ZNF644: variants seen among roughly 807,000 people sequenced by gnomAD.
ZNF644 encodes the protein zinc finger protein 644.
Under a neutral mutation model 108.0 loss-of-function variants are expected in ZNF644, and 20 were observed. That is an observed-to-expected ratio of 0.19 (90% CI 0.13 to 0.27). The LOEUF (loss-of-function observed/expected upper bound fraction) is 0.27. Among genes scored for constraint, ZNF644 ranks in the 10% least tolerant of loss-of-function variants. The probability of loss-of-function intolerance (pLI) is 1.00; values close to 1 mark genes in which losing one functional copy is unlikely to be tolerated. For missense variants in ZNF644, 1,338 were observed against 1,548.9 expected (o/e 0.86, Z 2.29); for synonymous variants, 542 against 539.1 (o/e 1.01, Z -0.08).
In ZNF644 at chr1:90,937,537, C is replaced by A. The variant is rs149460842; in HGVS notation, c.3636G>T (p.Glu1212Asp). ...FVQKCVLPLNEDSPLMYQPQK... is the reference protein window; with the variant it reads ...FVQKCVLPLNDDSPLMYQPQK... ...GTGGCTGATACATCAACGGACTATCCTCATTTAATGGAAGAACGCATTTCT... is the reference window on the plus strand; with the variant it reads ...GTGGCTGATACATCAACGGACTATCATCATTTAATGGAAGAACGCATTTCT... The change falls in exon 4 of 6, where the codon GAG (glutamate) becomes GAT (aspartate). Residue 1212 changes from glutamate (E) to aspartate (D), a missense_variant. Coordinates refer to ENST00000337393, the MANE Select transcript of ZNF644 (RefSeq NM_201269.3). 6.2e-7 allele frequency: 1 copy of A among 1,613,884 alleles called. No homozygotes were observed.
At chr1:91,002,108 G>A (rs891600796) in intron 1 of ZNF644, among the ~76,000 whole-genome samples, 1 of 152,040 alleles carries the variant, frequency 6.6e-6, no homozygotes, top group African/African-American at 2.4e-5. Flanking sequence ...ACTGCCCAAG[G>A]TAATTTATAG....
intron 4 of ZNF644, among the ~76,000 whole-genome samples, chr1:90,928,403 C>A (rs1012303982): frequency 5.3e-5 from 8 of 150,902 alleles, no homozygotes; most frequent in Non-Finnish European, 1.2e-4. Flanking sequence ...CTGCAACCTC[C>A]AGCTTCTGGG....
At chr1:90,972,553 T>C (rs1484803149) in intron 2 of ZNF644, among the ~76,000 whole-genome samples, 5 of 152,196 alleles carry the variant, frequency 3.3e-5, no homozygotes, top group Admixed American at 3.3e-4. Context: ...CAGAAAACTA[T>C]GGTGGCTCCT....
chr1:90,958,232 T>TAAAA (rs777224217), intron 2 of ZNF644, among the ~76,000 whole-genome samples: 14 of 41,384 alleles, frequency 3.4e-4, no homozygotes, highest in East Asian at 7.8e-4. Flanking sequence ...GCAAAACTCC[T>TAAAA]AAAAAAAAAA....
In ZNF644 at chr1:90,939,213, C is replaced by A. The variant is rs777815225; in HGVS notation, c.2141G>T (p.Ser714Ile). 2 of 1,613,930 alleles carry A rather than the reference C, an allele frequency of 1.2e-6. No homozygotes were observed. The highest frequency in any genetic ancestry group is 1.7e-5 in the Admixed American group (1 of 60,010). The change falls in exon 3 of 6, where the codon AGC becomes ATC. Residue 714 changes from serine (S) to isoleucine (I), a missense_variant. Physicochemically the swap from Ser to Ile is moderately radical, Grantham distance 142 (BLOSUM62 -2). This residue lies in a region of ZNF644 where 462 missense variants were observed against 472.6 expected (regional missense o/e 0.98). Transcript: ENST00000337393. ...SPHKNVTIKS[S>I]VDQKPKYFHQ... is the part of the protein sequence containing the mutation. ...GAAATACTTAGGTTTTTGGTCAACG[C>A]TGCTTTTAATTGTAACATTCTTATG... is the stretch of plus-strand genomic sequence containing the variant.
intron 2 of ZNF644, among the ~76,000 whole-genome samples, chr1:90,976,139 A>G (rs1331987315): frequency 1.3e-5 from 2 of 152,220 alleles, no homozygotes; most frequent in Non-Finnish European, 2.9e-5. Context: ...CAACTAAAAT[A>G]AGAGCTTTAG....
chr1:90,982,494 A>G, intron 1 of ZNF644, 124 bp from the exon 2 acceptor site: 3 of 678,746 alleles, frequency 4.4e-6, no homozygotes, highest in South Asian at 3.8e-5. Context: ...TTGATATAAC[A>G]TAAAAAAACC....
chr1:90,960,622 C>T (rs1469093001), intron 2 of ZNF644, among the ~76,000 whole-genome samples: 1 of 152,094 alleles, frequency 6.6e-6, no homozygotes, highest in South Asian at 2.1e-4. Flanking sequence ...CCTGACGACA[C>T]CCAATCTAGG....
intron 2 of ZNF644, among the ~76,000 whole-genome samples, chr1:90,953,004 T>A (rs768619075): frequency 7.7e-6 from 1 of 129,166 alleles, no homozygotes; most frequent in Non-Finnish European, 1.6e-5. Flanking sequence ...AGACAACAAT[T>A]AGACTGAGGA....
chr1:91,014,869 A>C (rs1660297787), intron 1 of ZNF644, among the ~76,000 whole-genome samples: 1 of 152,190 alleles, frequency 6.6e-6, no homozygotes, highest in South Asian at 2.1e-4. Context: ...GTAGAACAGA[A>C]AGGTCTCCTC....
intron 2 of ZNF644, among the ~76,000 whole-genome samples, chr1:90,959,091 T>A (rs1654054703): frequency 6.6e-6 from 1 of 152,108 alleles, no homozygotes; most frequent in Admixed American, 6.5e-5. Context: ...ATTTTTTAAA[T>A]GAGCAAAGGA....
Position 90,939,206 on chromosome 1 carries a change from G to A in ZNF644, c.2148C>T (p.Asp716=). The change falls in exon 3 of 6, where the codon GAC becomes GAT. Residue 716 remains aspartate (D), a synonymous_variant. Transcript: ENST00000337393. The part of the protein sequence containing the change: ...HKNVTIKSSV[D]QKPKYFHQAA... ...CTTGATGGAAATACTTAGGTTTTTG[G>A]TCAACGCTGCTTTTAATTGTAACAT... The A allele has an allele frequency of 1.9e-6, 3 of 1,613,878 alleles. No homozygotes were observed. Among genetic ancestry groups the A allele is most frequent in the Non-Finnish European group, 2.5e-6 (3 of 1,179,902 alleles).
At chr1:90,942,504 T>G (rs1172071916) in intron 2 of ZNF644, among the ~76,000 whole-genome samples, 2 of 152,128 alleles carry the variant, frequency 1.3e-5, no homozygotes, top group Non-Finnish European at 2.9e-5. Context: ...CACTATCATA[T>G]CTCTAGAACC....
intron 1 of ZNF644, among the ~76,000 whole-genome samples, chr1:90,993,636 GAAGAC>G (rs748667961): frequency 1.3e-5 from 2 of 152,078 alleles, no homozygotes; most frequent in African/African-American, 2.4e-5. Context: ...CTTAACTTTT[GAAGAC>G]AAGGGGGGAA....
At chr1:91,000,140 G>A (rs556280986) in intron 1 of ZNF644, among the ~76,000 whole-genome samples, 2 of 152,234 alleles carry the variant, frequency 1.3e-5, no homozygotes, top group East Asian at 1.9e-4. Flanking sequence ...AAGACAGAAA[G>A]TTAACAAGGA....
intron 2 of ZNF644, among the ~76,000 whole-genome samples, chr1:90,976,114 C>T (rs867534101): frequency 3.3e-5 from 5 of 152,252 alleles, no homozygotes; most frequent in South Asian, 2.1e-4. Context: ...ACTGTTTTTA[C>T]GAAATAATGT....
chr1:90,967,978 T>C (rs1436482396), intron 2 of ZNF644, among the ~76,000 whole-genome samples: 1 of 149,548 alleles, frequency 6.7e-6, no homozygotes. Flanking sequence ...GGAGAATTGC[T>C]TGAATCTGGG....
In ZNF644 at chr1:90,922,822, G is replaced by A. The variant is rs544212645; in HGVS notation, c.3689-4668C>T. On this transcript the variant is annotated intron_variant, in intron 4 of 5. Transcript: ENST00000337393. ...CTCGTTGTTTAGCCCCTACTTATAA[G>A]TGAAAACATTCAGTATTGGTTTTCT... 1.8e-4 allele frequency among the ~76,000 whole-genome samples: 28 copies of A among 152,118 alleles called. No individual in the cohort carries two copies. In the South Asian group the frequency reaches 5.6e-3, roughly 30 times the overall value.
chr1:90,997,020 G>A (rs1658208423), intron 1 of ZNF644, among the ~76,000 whole-genome samples: 1 of 152,152 alleles, frequency 6.6e-6, no homozygotes, highest in South Asian at 2.1e-4. Flanking sequence ...AACAATCAGA[G>A]GTAATTGTTT....
Sources: gnomAD v4.1 joint callset for allele counts (sites outside exome capture counted in the v4.1 genomes callset) on GRCh38, gnomAD v4.1.1 for gene constraint, gnomAD v4.1.1 regional missense constraint, MANE v1.5 for transcripts, NCBI Gene and HGNC (gene_info 2026-07-23, HGNC 2026-07-21) for gene names.